Variants in GALNT3 observed in about 807,000 individuals in gnomAD.
The protein encoded by GALNT3 is GalNAc transferase 3.
In GALNT3, 51 loss-of-function variants were observed where a neutral mutation model predicts 69.8. The ratio of observed to expected loss-of-function variants is 0.73; its 90% CI spans 0.58 to 0.92. The LOEUF is 0.92. Ranked by LOEUF, GALNT3 falls within the 40% of genes least tolerant of loss-of-function variation. GALNT3 has a pLI of 0.00. For missense variants in GALNT3, 711 were observed against 760.0 expected, an observed-to-expected ratio of 0.94 and a Z score of 0.76; for synonymous variants, 265 against 248.5, an observed-to-expected ratio of 1.07 and a Z score of -0.63.
At position 165,748,683 on chromosome 2, in the gene GALNT3, TA is replaced by T; in HGVS notation, c.*97del. The T allele has an allele frequency of 3.6e-6, 4 of 1,110,158 alleles. No homozygotes were observed. The highest frequency in any genetic ancestry group is 1.5e-5 in the African/African-American group (1 of 64,552). The allele number at this position is 1,110,158 out of a possible 1,614,324, so 68.8% of individuals were successfully genotyped here. A position where few individuals can be genotyped will look rare whatever the true frequency, so the allele number is the denominator to read the frequency against. On this transcript the variant is annotated 3_prime_UTR_variant, in exon 11 of 11. Transcript: ENST00000392701. ...AAATGCACTTGGAATAAGTTACATT[TA>T]GCTGCTTTTGCATAATTTTCAAAAA...
Position 165,754,597 on chromosome 2 carries a change from C to A in GALNT3, c.1626+30G>T, listed in dbSNP as rs773197010. 2.7e-6 allele frequency: 4 copies of A among 1,487,598 alleles called. No individual in the cohort carries two copies. In the South Asian group the frequency reaches 4.5e-5, roughly 17 times the overall value. The allele number at this position is 1,487,598 out of a possible 1,614,324, so 92.1% of individuals were successfully genotyped here. On this transcript the variant is annotated intron_variant, in intron 9 of 10. Coordinates refer to ENST00000392701, the MANE Select transcript of GALNT3 (RefSeq NM_004482.4). ...CTCACTTGTGCTTGTAAATGCTTTA[C>A]AAGTGAAGGATTTTTAATGCAGTGC...
At chr2:165,768,908 C>T (rs896024732) in intron 2 of GALNT3, among the ~76,000 whole-genome samples, 10 of 151,098 alleles carry the variant, frequency 6.6e-5, no homozygotes, top group African/African-American at 2.4e-4. Context: ...AATTCTCCAG[C>T]GTCAGGCTCC....
At chr2:165,764,495 T>C (rs1574003453) in intron 3 of GALNT3, among the ~76,000 whole-genome samples, 1 of 152,308 alleles carries the variant, frequency 6.6e-6, no homozygotes, top group Admixed American at 6.5e-5. Flanking sequence ...TAATGAAATA[T>C]GGCATTATTC....
At chr2:165,759,194 T>A (rs1688498866) in intron 5 of GALNT3, 142 bp downstream of exon 5, 1 of 738,156 alleles carries the variant, frequency 1.4e-6, no homozygotes, top group African/African-American at 1.8e-5. Flanking sequence ...CACAAATGAA[T>A]GACTTTTAGA....
intron 7 of GALNT3, among the ~76,000 whole-genome samples, chr2:165,755,793 C>T (rs1310044371): frequency 1.3e-5 from 2 of 152,168 alleles, no homozygotes; most frequent in African/African-American, 4.8e-5. Context: ...ATCAGTTCAA[C>T]TAAAGAAAAT....
intron 1 of GALNT3, among the ~76,000 whole-genome samples, chr2:165,784,123 C>G (rs1257592510): frequency 6.6e-6 from 1 of 152,124 alleles, no homozygotes; most frequent in East Asian, 1.9e-4. Flanking sequence ...TAATTTTACC[C>G]AGAACCATGC....
At chr2:165,765,769 T>C (rs1054544486) in intron 2 of GALNT3, among the ~76,000 whole-genome samples, 2 of 152,194 alleles carry the variant, frequency 1.3e-5, no homozygotes, top group African/African-American at 4.8e-5. Context: ...ATTACACACG[T>C]GTGCCACTGC....
chr2:165,780,171 A>G (rs1683072822), intron 1 of GALNT3, among the ~76,000 whole-genome samples: 1 of 152,104 alleles, frequency 6.6e-6, no homozygotes, highest in Admixed American at 6.5e-5. Context: ...ACTCCTGTTT[A>G]TGGGCCCACT....
intron 9 of GALNT3, among the ~76,000 whole-genome samples, chr2:165,750,694 C>T (rs1688342266): frequency 6.6e-6 from 1 of 152,168 alleles, no homozygotes; most frequent in African/African-American, 2.4e-5. Flanking sequence ...TTAAGTGAAT[C>T]ACTACTGTTG....
intron 1 of GALNT3, among the ~76,000 whole-genome samples, chr2:165,786,166 C>T (rs1304057478): frequency 6.6e-6 from 1 of 152,090 alleles, no homozygotes; most frequent in African/African-American, 2.4e-5. Flanking sequence ...AATAGGAAGT[C>T]AGTAGATATT....
At chr2:165,783,572 T>C (rs529108017) in intron 1 of GALNT3, among the ~76,000 whole-genome samples, 18 of 152,234 alleles carry the variant, frequency 1.2e-4, no homozygotes, top group Non-Finnish European at 7.3e-5. Flanking sequence ...TATAAAGGAC[T>C]AGATAACAAA....
chr2:165,750,785 A>G (rs1390379378), intron 9 of GALNT3, among the ~76,000 whole-genome samples: 1 of 152,148 alleles, frequency 6.6e-6, no homozygotes. Context: ...CCAGTTATAT[A>G]TTATGCTTCT....
At chr2:165,761,402 G>A (rs1031164581) in intron 4 of GALNT3, among the ~76,000 whole-genome samples, 1 of 152,020 alleles carries the variant, frequency 6.6e-6, no homozygotes, top group Non-Finnish European at 1.5e-5. Flanking sequence ...AGTAGAGACA[G>A]GGTTTCACCT....
intron 1 of GALNT3, among the ~76,000 whole-genome samples, chr2:165,793,342 G>C (rs1683391851): frequency 6.6e-6 from 1 of 152,158 alleles, no homozygotes; most frequent in Non-Finnish European, 1.5e-5. Flanking sequence ...TCCCGCCACG[G>C]AAGAAAAGAA....
intron 1 of GALNT3, among the ~76,000 whole-genome samples, chr2:165,779,511 C>T (rs757575149): frequency 1.3e-5 from 2 of 152,144 alleles, no homozygotes; most frequent in Admixed American, 6.5e-5. Context: ...TCCTCAAAAA[C>T]GAGAGACATA....
At chr2:165,752,604 CTGT>C (rs1427989589) in intron 9 of GALNT3, among the ~76,000 whole-genome samples, 3 of 151,996 alleles carry the variant, frequency 2.0e-5, no homozygotes, top group Non-Finnish European at 4.4e-5. Context: ...TATCATAAAG[CTGT>C]TATTATCTTT....
chr2:165,770,062 T>C (rs1352671526), intron 2 of GALNT3, 124 bp downstream of exon 2: 1 of 1,063,242 alleles, frequency 9.4e-7, no homozygotes. Flanking sequence ...ACAGGTTAAA[T>C]AAACAGTATT....
rs1203585170 is a variant in GALNT3, at chr2:165,770,760, A to AT, written c.-61dup. ...AGTTATTTCTTCTTCTGTTACTTAT[A>AT]TTTTTTATCATAGATTTGCTGAGAA... On this transcript the variant is annotated 5_prime_UTR_variant, in exon 2 of 11. An upstream open reading frame in the 5' UTR gains an earlier in-frame stop. Transcript: ENST00000392701. The AT allele has an allele frequency of 1.3e-5, 20 of 1,554,862 alleles. No homozygotes were observed. Among genetic ancestry groups the AT allele is most frequent in the Middle Eastern group, 1.8e-4 (1 of 5,470 alleles).
chr2:165,760,802 T>C (rs1366275639), intron 4 of GALNT3, among the ~76,000 whole-genome samples: 3 of 152,162 alleles, frequency 2.0e-5, no homozygotes, highest in African/African-American at 7.2e-5. Context: ...ATACAAAGTA[T>C]AGCCCACTAA....
Sources: allele counts gnomAD v4.1 joint callset (sites outside exome capture counted in the v4.1 genomes callset), GRCh38; gene constraint gnomAD v4.1.1; transcripts MANE v1.5; gene names NCBI Gene and HGNC (gene_info 2026-07-23, HGNC 2026-07-21).